Variants in CYP26B1 observed in about 807,000 individuals in gnomAD.
CYP26B1 encodes the protein cytochrome P450 26B1.
CYP26B1 carries 8 observed loss-of-function variants against 39.1 expected under a neutral mutation model. That is an observed-to-expected ratio of 0.20 (90% CI 0.12 to 0.37). CYP26B1 has a LOEUF of 0.37. CYP26B1 is among the 10% of genes least tolerant of loss of function. The pLI, the probability that CYP26B1 is intolerant of heterozygous loss-of-function variation, is 1.00. For missense variants in CYP26B1, 615 were observed against 707.0 expected, an observed-to-expected ratio of 0.87 and a Z score of 1.48; for synonymous variants, 321 against 314.3, an observed-to-expected ratio of 1.02 and a Z score of -0.23.
chr2:72,138,174 C>A (rs1676832518), intron 2 of CYP26B1, among the ~76,000 whole-genome samples: 1 of 152,178 alleles, frequency 6.6e-6, no homozygotes, highest in African/African-American at 2.4e-5. Flanking sequence ...CATGCCCCTG[C>A]CTCTTGCCCA....
chr2:72,135,512 A>G, intron 2 of CYP26B1, 93 bp from the exon 3 acceptor site: 1 of 1,554,924 alleles, frequency 6.4e-7, no homozygotes, highest in South Asian at 1.1e-5. Context: ...GTGACTGGAG[A>G]GAACTTCAGC....
At chr2:72,146,839 C>G (rs1177274812) in intron 1 of CYP26B1, among the ~76,000 whole-genome samples, 3 of 152,222 alleles carry the variant, frequency 2.0e-5, no homozygotes, top group Non-Finnish European at 4.4e-5. Context: ...CATTACCTAC[C>G]TGGGTCTGGT....
intron 2 of CYP26B1, 143 bp downstream of exon 2, chr2:72,143,846 T>G (rs1677031682): frequency 7.7e-6 from 8 of 1,044,644 alleles, no homozygotes; most frequent in Non-Finnish European, 1.1e-5. Flanking sequence ...CTCGAGGCCT[T>G]GTCGGCGGGG....
Sources: allele counts gnomAD v4.1 joint callset (sites outside exome capture counted in the v4.1 genomes callset), GRCh38; gene constraint gnomAD v4.1.1; transcripts MANE v1.5; gene names NCBI Gene and HGNC (gene_info 2026-07-23, HGNC 2026-07-21).